The following NLGN4X variants were observed in gnomAD, a reference collection of about 807,000 sequenced individuals.
NLGN4X encodes neuroligin 4 X-linked.
In NLGN4X, 3 loss-of-function variants were observed where a neutral mutation model predicts 40.3. The ratio of observed to expected loss-of-function variants is 0.07; its 90% CI spans 0.03 to 0.19. The LOEUF (loss-of-function observed/expected upper bound fraction) is 0.19, where lower values mean the gene tolerates loss of function less well. Ranked by LOEUF, NLGN4X falls within the 10% of genes least tolerant of loss-of-function variation. The pLI is 1.00. For synonymous variants in NLGN4X, 270 were observed against 306.8 expected, an observed-to-expected ratio of 0.88 and a Z score of 1.25; for missense variants, 382 against 708.3, an observed-to-expected ratio of 0.54 and a Z score of 5.23.
chrX:6,097,224 C>T (rs1240992859), intron 2 of NLGN4X, among the ~76,000 whole-genome samples: 1 of 88,507 alleles, frequency 1.1e-5, no homozygotes, highest in Non-Finnish European at 2.2e-5. Flanking sequence ...AGAGCCATCT[C>T]AGCTTTCTTG....
chrX:5,929,189 G>A (rs376363637), intron 3 of NLGN4X, among the ~76,000 whole-genome samples: 10 of 111,758 alleles, frequency 8.9e-5, no homozygotes, highest in South Asian at 3.8e-4. Flanking sequence ...CCGGCTTGGC[G>A]TGGTGGCTCA....
At chrX:6,136,632 T>C (rs1197612403) in intron 2 of NLGN4X, among the ~76,000 whole-genome samples, 5 of 112,083 alleles carry the variant, frequency 4.5e-5, no homozygotes, top group Admixed American at 2.8e-4. Flanking sequence ...ACAAAAAGGG[T>C]ATACTAGTAA....
In NLGN4X at chrX:6,151,496, G is replaced by C; in HGVS notation, c.-30C>G. The C allele has an allele frequency of 8.7e-7, 1 of 1,152,138 alleles. No homozygotes were observed. The highest frequency in any genetic ancestry group is 1.2e-6 in the Non-Finnish European group (1 of 841,720). 94.9% of individuals were successfully genotyped at this position (1,152,138 alleles called of 1,213,427 possible). ...CAAATCTGCATCCACATCCACAGCT[G>C]TCCCAGTGATGTGGCTCCAAGGAGA... On this transcript the variant is annotated 5_prime_UTR_variant, in exon 2 of 6. Coordinates refer to ENST00000381095, the MANE Select transcript of NLGN4X (RefSeq NM_181332.3).
intron 3 of NLGN4X, among the ~76,000 whole-genome samples, chrX:5,912,020 T>C (rs959245725): frequency 2.7e-5 from 3 of 112,336 alleles, no homozygotes; most frequent in Non-Finnish European, 5.6e-5. Context: ...CCAGCCATTA[T>C]TCCAGAGGTC....
intron 1 of NLGN4X, among the ~76,000 whole-genome samples, chrX:6,176,903 A>C: frequency 8.9e-6 from 1 of 111,969 alleles, no homozygotes; most frequent in Non-Finnish European, 1.9e-5. Context: ...TATCAGGTAG[A>C]GTGGTTGAGA....
chrX:6,219,172 T>TAC (rs1368088634), intron 1 of NLGN4X, among the ~76,000 whole-genome samples: 3 of 100,500 alleles, frequency 3.0e-5, no homozygotes, highest in Admixed American at 2.3e-4. Context: ...TATATATATA[T>TAC]ATACACACAC....
At chrX:6,133,161 T>C (rs913190103) in intron 2 of NLGN4X, among the ~76,000 whole-genome samples, 3 of 81,043 alleles carry the variant, frequency 3.7e-5, no homozygotes, top group Non-Finnish European at 7.8e-5. Context: ...ACCATCATCA[T>C]TATCACCATC....
At chrX:6,050,416 CTCTA>C (rs1036828677) in intron 2 of NLGN4X, among the ~76,000 whole-genome samples, 6 of 111,120 alleles carry the variant, frequency 5.4e-5, no homozygotes, top group Non-Finnish European at 9.4e-5. Context: ...GTCTATTCAT[CTCTA>C]TCTAAATTTA....
chrX:5,923,181 C>T (rs943049899), intron 3 of NLGN4X, among the ~76,000 whole-genome samples: 1 of 112,102 alleles, frequency 8.9e-6, no homozygotes, highest in African/African-American at 3.2e-5. Context: ...GGCGCCATCT[C>T]GGCTCACTGC....
At chrX:5,975,984 T>C (rs1447262956) in intron 3 of NLGN4X, among the ~76,000 whole-genome samples, 3 of 111,308 alleles carry the variant, frequency 2.7e-5, no homozygotes, top group Non-Finnish European at 5.7e-5. Context: ...TTGCCACCAA[T>C]TCACAAAGCA....
At chrX:5,984,723 A>C (rs1340265018) in intron 3 of NLGN4X, among the ~76,000 whole-genome samples, 3 of 112,476 alleles carry the variant, frequency 2.7e-5, no homozygotes, top group Non-Finnish European at 5.6e-5. Flanking sequence ...AGAGAATAGG[A>C]GAATGATTTC....
In NLGN4X at chrX:6,095,102, CGTGTGTGTGTGTGTGTGTGTGT is replaced by C. The variant is rs56285921; in HGVS notation, c.472+55871_472+55892del. 2.6e-4 allele frequency among the ~76,000 whole-genome samples: 23 copies of C among 88,366 alleles called. 1 individual carries two copies. Among genetic ancestry groups the C allele is most frequent in the Admixed American group, 6.2e-4 (5 of 8,021 alleles). The allele number at this position is 88,366 out of a possible 115,157, so 76.7% of individuals were successfully genotyped here. Reference sequence around the variant, plus strand: ...GGCTAAGGCTTTAAGTACGTGCGTGCGTGTGTGTGTGTGTGTGTGTGTGTGTGTGTGTGTGTGTGTGTGTGTG... The same window carrying C: ...GGCTAAGGCTTTAAGTACGTGCGTGCGTGTGTGTGTGTGTGTGTGTGTGTG... On this transcript the variant is annotated intron_variant, in intron 2 of 5. Coordinates refer to ENST00000381095, the MANE Select transcript of NLGN4X (RefSeq NM_181332.3).
At chrX:6,069,371 T>A in intron 2 of NLGN4X, among the ~76,000 whole-genome samples, 1 of 111,959 alleles carries the variant, frequency 8.9e-6, no homozygotes, top group East Asian at 2.8e-4. Flanking sequence ...CAAAAGCAAG[T>A]GCACAATCAA....
chrX:6,111,463 G>C lies in NLGN4X; in HGVS notation c.472+39532C>G, dbSNP rs775669275. ...GAAATAAATGTGTGTTGTTAGCTGG[G>C]CAAAGTGGCTCATACCTGTAATCCC... On this transcript the variant is annotated intron_variant, in intron 2 of 5. Transcript: ENST00000381095. Among the ~76,000 whole-genome samples, 4 of 111,839 alleles carry C rather than the reference G, an allele frequency of 3.6e-5. No individual in the cohort carries two copies. The South Asian group carries it at 1.1e-3, about 32-fold the overall frequency.
chrX:6,160,567 G>C (rs979936520), intron 1 of NLGN4X, among the ~76,000 whole-genome samples: 4 of 104,504 alleles, frequency 3.8e-5, no homozygotes, highest in Non-Finnish European at 7.8e-5. Context: ...GTTTCACTCT[G>C]TCACCCAGGC....
intron 3 of NLGN4X, among the ~76,000 whole-genome samples, chrX:5,973,778 G>A (rs1267410331): frequency 3.6e-5 from 4 of 110,633 alleles, no homozygotes; most frequent in South Asian, 3.9e-4. Flanking sequence ...AGCCGAGATC[G>A]TGCCACTGCA....
chrX:6,095,562 T>C (rs148302956), intron 2 of NLGN4X, among the ~76,000 whole-genome samples: 1,229 of 112,702 alleles, frequency 0.011, 17 homozygotes, highest in African/African-American at 0.037. Flanking sequence ...GAAATAATTG[T>C]TGAAAGAAAT....
intron 3 of NLGN4X, among the ~76,000 whole-genome samples, chrX:5,937,500 C>T (rs763615721): frequency 2.7e-5 from 3 of 111,800 alleles, no homozygotes; most frequent in South Asian, 7.6e-4. Flanking sequence ...AAGTAATCGG[C>T]GGACATGTTT....
chrX:6,225,019 C>T (rs1162350308), intron 1 of NLGN4X, among the ~76,000 whole-genome samples: 3 of 73,485 alleles, frequency 4.1e-5, no homozygotes, highest in East Asian at 7.3e-4. Context: ...TATACACACA[C>T]ACACACATAT....
Sources: allele counts gnomAD v4.1 joint callset (sites outside exome capture counted in the v4.1 genomes callset), GRCh38; gene constraint gnomAD v4.1.1; transcripts MANE v1.5; gene names NCBI Gene and HGNC (gene_info 2026-07-23, HGNC 2026-07-21).